RAPGEF3: variants seen among roughly 807,000 people sequenced by gnomAD.
The protein encoded by RAPGEF3 is 9330170P05Rik.
A neutral mutation model predicts 129.8 loss-of-function variants in RAPGEF3; 103 were observed. That is an observed-to-expected ratio of 0.79 (90% CI 0.68 to 0.93). The LOEUF (loss-of-function observed/expected upper bound fraction) is 0.93. Among genes scored for constraint, RAPGEF3 ranks in the 40% least tolerant of loss-of-function variants. The pLI is 0.00. For synonymous variants in RAPGEF3, 436 were observed against 482.6 expected (o/e 0.90, Z 1.26); for missense variants, 1,117 against 1,207.4 (o/e 0.93, Z 1.11).
At chr12:47,758,385 GC>G in intron 1 of RAPGEF3, 165 bp downstream of exon 1, 1 of 1,514,116 alleles carries the variant, frequency 6.6e-7, no homozygotes, top group Non-Finnish European at 8.9e-7. Flanking sequence ...CCAGTATGAA[GC>G]TATAGATTCA....
At chr12:47,739,090 G>T (rs1940977114) in intron 24 of RAPGEF3, 53 bp downstream of exon 24, 2 of 1,430,878 alleles carry the variant, frequency 1.4e-6, no homozygotes, top group African/African-American at 2.9e-5. Context: ...GGGAAATGGG[G>T]GATGGAGGCA....
chr12:47,756,978 A>AG (rs1330800001), intron 2 of RAPGEF3, among the ~76,000 whole-genome samples: 2 of 151,908 alleles, frequency 1.3e-5, no homozygotes, highest in African/African-American at 4.8e-5. Flanking sequence ...AAAAAAAAAA[A>AG]AAGAAAGAAA....
chr12:47,741,791 C>T, intron 18 of RAPGEF3, 189 bp from the exon 19 acceptor site: 3 of 599,884 alleles, frequency 5.0e-6, no homozygotes, highest in Non-Finnish European at 6.0e-6. Context: ...CAGGGAAGCA[C>T]ATCCAAGAGG....
intron 16 of RAPGEF3, chr12:47,746,635 G>C (rs540361576): frequency 1.4e-6 from 1 of 712,614 alleles, no homozygotes; most frequent in African/African-American, 1.8e-5. Flanking sequence ...TTGAGTCAGG[G>C]AGTGGGCGAG....
At position 47,750,416 on chromosome 12, in the gene RAPGEF3, C is replaced by T. The variant is rs559011219; in HGVS notation, c.681G>A (p.Gln227=). 33 of 1,613,308 alleles carry T rather than the reference C, an allele frequency of 2.0e-5. No homozygotes were observed. In the African/African-American group the frequency reaches 4.1e-4, roughly 20 times the overall value. Reference sequence around the variant, plus strand: ...TGAGGTCCAGCTCTTCATCCGTGCGCTGACCTGGGCTGCAGGGACAGGAGG... The same window carrying T: ...TGAGGTCCAGCTCTTCATCCGTGCGTTGACCTGGGCTGCAGGGACAGGAGG... ...LTVALRKPPG[Q]RTDEELDLIF... Residue 227 remains glutamine, a synonymous_variant, in exon 7 of 28, where the codon CAG becomes CAA. Transcript: ENST00000449771.
At chr12:47,758,149 C>A in intron 1 of RAPGEF3, 71 bp from the exon 2 acceptor site, 2 of 1,505,840 alleles carry the variant, frequency 1.3e-6, no homozygotes, top group South Asian at 1.3e-5. Context: ...TACAACTGCC[C>A]CAGGCAGAAC....
intron 12 of RAPGEF3, 52 bp downstream of exon 12, chr12:47,748,402 C>T: frequency 2.0e-6 from 3 of 1,536,266 alleles, no homozygotes; most frequent in Non-Finnish European, 2.7e-6. Flanking sequence ...CTCCCAGGCT[C>T]CATGGACCAC....
In RAPGEF3 at chr12:47,747,741, T is replaced by C; in HGVS notation, c.1444A>G (p.Thr482Ala). The C allele has an allele frequency of 6.2e-7, 1 of 1,610,242 alleles. No individual in the cohort carries two copies. Among genetic ancestry groups the C allele is most frequent in the African/African-American group, 1.3e-5 (1 of 75,066 alleles). Residue 482 changes from threonine (T) to alanine (A), a missense_variant, in exon 14 of 28, where the codon ACT (threonine) becomes GCT (alanine). Physicochemically the swap from Thr to Ala is moderately conservative, Grantham distance 58. This residue lies in a region of RAPGEF3 where 643 missense variants were observed against 673.4 expected (regional missense o/e 0.95). Coordinates refer to ENST00000449771, the MANE Select transcript of RAPGEF3 (RefSeq NM_001098531.4). Reference protein sequence around the residue: ...WVALYGSMLHTDPVATSFLQK... With the variant: ...WVALYGSMLHADPVATSFLQK... ...AGGAAGCTGGTGGCCACAGGGTCAG[T>C]GTGGAGCATGGAGCCATACAGGGCC...
chr12:47,738,148 G>C (rs745767382), intron 26 of RAPGEF3, 45 bp downstream of exon 26: 3 of 1,613,922 alleles, frequency 1.9e-6, no homozygotes, highest in Non-Finnish European at 2.5e-6. Context: ...CCTCACAGAG[G>C]ATGTAGGGTG....
rs1198315291 is a variant in RAPGEF3, at chr12:47,734,526, A to T, written c.*3041T>A. ...CTGTCTACCCTGCTATTAAGCAGTT[A>T]TGTGACCTTGGGCAAACCTGCCTGT... is the stretch of plus-strand genomic sequence containing the variant. On this transcript the variant is annotated 3_prime_UTR_variant, in exon 28 of 28. Transcript: ENST00000449771. The T allele has an allele frequency of 6.6e-6, 1 of 152,250 alleles. No homozygotes were observed. Among genetic ancestry groups the T allele is most frequent in the African/African-American group, 2.4e-5 (1 of 41,454 alleles). The allele number at this position is 152,250 out of a possible 1,614,324, so 9.4% of individuals were successfully genotyped here. A position where few individuals can be genotyped will look rare whatever the true frequency, so the allele number is the denominator to read the frequency against.
At chr12:47,737,851 G>A (rs747112727) in intron 27 of RAPGEF3, among the ~76,000 whole-genome samples, 166 bp from the exon 28 acceptor site, 1 of 152,150 alleles carries the variant, frequency 6.6e-6, no homozygotes, top group African/African-American at 2.4e-5. Flanking sequence ...CCACGGGTGA[G>A]GGGACCGAAG....
intron 23 of RAPGEF3, chr12:47,739,672 T>G: frequency 2.8e-6 from 1 of 360,496 alleles, no homozygotes; most frequent in Non-Finnish European, 5.3e-6. Context: ...TCCTCAAAAG[T>G]TCCTGGAGGT....
chr12:47,744,198 T>G lies in RAPGEF3; in HGVS notation c.1597-130A>C. ...CAGCATTCACACCACCAGAGGGCTC[T>G]GCTTGCCACATTCACCTGAGCTCAG... On this transcript the variant is annotated intron_variant, in intron 16 of 27. Coordinates refer to ENST00000449771, the MANE Select transcript of RAPGEF3 (RefSeq NM_001098531.4). The G allele has an allele frequency of 1.5e-5, 11 of 726,016 alleles. No individual in the cohort carries two copies. In the South Asian group the frequency reaches 1.7e-4, roughly 11 times the overall value. 45.0% of individuals were successfully genotyped at this position (726,016 alleles called of 1,614,324 possible).
intron 7 of RAPGEF3, 82 bp downstream of exon 7, chr12:47,750,259 G>A: frequency 7.1e-7 from 1 of 1,412,892 alleles, no homozygotes; most frequent in Non-Finnish European, 1.0e-6. Context: ...AATGCCCTCT[G>A]GCCCAGCAGT....
At chr12:47,758,139 T>A in intron 1 of RAPGEF3, 61 bp from the exon 2 acceptor site, 2 of 1,519,418 alleles carry the variant, frequency 1.3e-6, no homozygotes, top group East Asian at 2.5e-5. Context: ...TGGGCCACAG[T>A]ACAACTGCCC....
At chr12:47,747,915 G>A (rs942154267) in intron 13 of RAPGEF3, 53 bp from the exon 14 acceptor site, 4 of 1,595,732 alleles carry the variant, frequency 2.5e-6, no homozygotes, top group East Asian at 2.2e-5. Flanking sequence ...CCCACCTGAG[G>A]CAAAGGAGGG....
chr12:47,752,697 C>T (rs1223402804), intron 2 of RAPGEF3: 1 of 153,120 alleles, frequency 6.5e-6, no homozygotes, highest in Non-Finnish European at 1.5e-5. Flanking sequence ...ATGTTTAAAG[C>T]ATTGCCTGGC....
chr12:47,753,200 A>T (rs535702405), intron 2 of RAPGEF3, among the ~76,000 whole-genome samples: 1 of 152,350 alleles, frequency 6.6e-6, no homozygotes, highest in Admixed American at 6.5e-5. Flanking sequence ...ACTTACAAGG[A>T]AATAAAAGCC....
intron 27 of RAPGEF3, 32 bp downstream of exon 27, chr12:47,737,990 T>TC: frequency 1.1e-6 from 1 of 876,394 alleles, no homozygotes; most frequent in Non-Finnish European, 1.8e-6. Context: ...AAGCACCCCC[T>TC]CCCTGCCCAC....
Sources: gnomAD v4.1 joint callset for allele counts (sites outside exome capture counted in the v4.1 genomes callset) on GRCh38, gnomAD v4.1.1 for gene constraint, gnomAD v4.1.1 regional missense constraint, MANE v1.5 for transcripts, NCBI Gene and HGNC (gene_info 2026-07-23, HGNC 2026-07-21) for gene names.